Variants in SMARCC2 observed in about 807,000 individuals in gnomAD.
The protein encoded by SMARCC2 is SWI/SNF related BAF chromatin remodeling complex subunit C2.
Under a neutral mutation model 151.3 loss-of-function variants are expected in SMARCC2, and 15 were observed. That is an observed-to-expected ratio of 0.10 (90% CI 0.07 to 0.15). SMARCC2 has a LOEUF of 0.15. Ranked by LOEUF, SMARCC2 falls within the 10% of genes least tolerant of loss-of-function variation. SMARCC2 has a pLI of 1.00. For synonymous variants in SMARCC2, 590 were observed against 609.5 expected, an observed-to-expected ratio of 0.97 and a Z score of 0.47; for missense variants, 1,031 against 1,599.7, an observed-to-expected ratio of 0.64 and a Z score of 6.06.
At chr12:56,177,271 G>T (rs750306428) in intron 15 of SMARCC2, among the ~76,000 whole-genome samples, 1 of 152,058 alleles carries the variant, frequency 6.6e-6, no homozygotes, top group Non-Finnish European at 1.5e-5. Context: ...TAGATACGGG[G>T]TCTTGCCGTG....
At chr12:56,179,556 G>T (rs1875707331) in intron 11 of SMARCC2, among the ~76,000 whole-genome samples, 1 of 152,136 alleles carries the variant, frequency 6.6e-6, no homozygotes, top group Non-Finnish European at 1.5e-5. Context: ...GGAATACCTG[G>T]GGTGAGTCTA....
At chr12:56,169,234 G>A (rs1249296427) in intron 25 of SMARCC2, among the ~76,000 whole-genome samples, 3 of 152,192 alleles carry the variant, frequency 2.0e-5, no homozygotes, top group Non-Finnish European at 4.4e-5. Flanking sequence ...GGTGGAGGCT[G>A]CAGTGAGCCG....
intron 15 of SMARCC2, among the ~76,000 whole-genome samples, chr12:56,175,192 G>A (rs1209845404): frequency 2.0e-5 from 3 of 151,996 alleles, no homozygotes; most frequent in Non-Finnish European, 4.4e-5. Context: ...TGTATTTTTA[G>A]TAGAGACAGG....
chr12:56,174,420 T>A, intron 16 of SMARCC2: 1 of 429,802 alleles, frequency 2.3e-6, no homozygotes, highest in Non-Finnish European at 4.2e-6. Flanking sequence ...CCTGAACCAG[T>A]ATCTTTCAAT....
intron 26 of SMARCC2, 28 bp from the exon 27 acceptor site, chr12:56,165,727 C>A (rs780108193): frequency 5.6e-6 from 9 of 1,601,330 alleles, no homozygotes; most frequent in Non-Finnish European, 7.6e-6. Flanking sequence ...GTATTGTTAT[C>A]CAATTTTCAG....
rs558265761 is a variant in SMARCC2 at position 56,165,685 on chromosome 12, C to T, written c.2865G>A (p.Arg955=). ...DREREALEYQ[R]QQLLADRQAF... is the part of the protein sequence containing the mutation. Reference sequence around the variant, plus strand: ...CTTGTCTGTCGGCCAGGAGCTGCTGCCTCTGATACTCCAGCTGCCAGTGCC... The same window carrying T: ...CTTGTCTGTCGGCCAGGAGCTGCTGTCTCTGATACTCCAGCTGCCAGTGCC... Residue 955 remains arginine (R), a synonymous_variant, in exon 27 of 29, where the codon AGG becomes AGA. Coordinates refer to ENST00000550164, the MANE Select transcript of SMARCC2 (RefSeq NM_001330288.2). 1.2e-5 allele frequency: 20 copies of T among 1,610,540 alleles called. No individual in the cohort carries two copies. The African/African-American group carries it at 1.5e-4, about 12-fold the overall frequency.
intron 3 of SMARCC2, 100 bp from the exon 4 acceptor site, chr12:56,185,211 C>T: frequency 1.1e-6 from 1 of 902,856 alleles, no homozygotes; most frequent in Admixed American, 1.9e-5. Context: ...TGGAGTCTTG[C>T]TCTGTCACCT....
At chr12:56,167,406 T>C (rs1873007390) in intron 26 of SMARCC2, among the ~76,000 whole-genome samples, 1 of 152,198 alleles carries the variant, frequency 6.6e-6, no homozygotes, top group Non-Finnish European at 1.5e-5. Context: ...TCTCACTATG[T>C]TACCCAGGCT....
chr12:56,163,586 A>T lies in SMARCC2; in HGVS notation c.*103T>A, dbSNP rs1872186573. On this transcript the variant is annotated 3_prime_UTR_variant, in exon 29 of 29. Transcript: ENST00000550164. ...CGGAAGGAGCTTTCCTTACGTAGTG[A>T]TGAACTCTCCAGGCTGGGGAGGGTC... 1.7e-6 allele frequency: 1 copy of T among 600,972 alleles called. No homozygotes were observed. The allele number at this position is 600,972 out of a possible 1,614,324, so 37.2% of individuals were successfully genotyped here.
intron 1 of SMARCC2, among the ~76,000 whole-genome samples, chr12:56,188,409 G>A (rs895496940): frequency 7.2e-5 from 11 of 152,206 alleles, no homozygotes; most frequent in Non-Finnish European, 1.6e-4. Flanking sequence ...TGCAAAGCCG[G>A]CAGGAAGAAC....
In SMARCC2 at chr12:56,168,381, CTTTTTTT is replaced by C. The variant is rs545900697; in HGVS notation, c.2716-194_2716-188del. Among the ~76,000 whole-genome samples, 277 of 142,642 alleles carry C rather than the reference CTTTTTTT, an allele frequency of 1.9e-3. 2 individuals carry two copies. Among genetic ancestry groups the C allele is most frequent in the African/African-American group, 6.1e-3 (238 of 39,250 alleles). 93.6% of individuals were successfully genotyped at this position (142,642 alleles called of 152,430 possible). A position where few individuals can be genotyped will look rare whatever the true frequency, so the allele number is the denominator to read the frequency against. ...AGCCACCGTGTCTTTTTTCTTTTTT[CTTTTTTT>C]TTTTTTGGGACAGTCTCACTCTGTT... On this transcript the variant is annotated intron_variant, in intron 25 of 28. Coordinates refer to ENST00000550164, the MANE Select transcript of SMARCC2 (RefSeq NM_001330288.2).
chr12:56,182,337 G>A (rs59707524), intron 7 of SMARCC2, among the ~76,000 whole-genome samples: 2 of 128,632 alleles, frequency 1.6e-5, no homozygotes, highest in African/African-American at 5.8e-5. Context: ...TTTTTTTTTT[G>A]ATACAGAGTC....
intron 26 of SMARCC2, among the ~76,000 whole-genome samples, chr12:56,167,081 G>A (rs114952238): frequency 1.2e-4 from 17 of 141,194 alleles, no homozygotes; most frequent in African/African-American, 2.7e-4. Flanking sequence ...AAAAAAAAGC[G>A]TGATGACTCA....
intron 14 of SMARCC2, 116 bp downstream of exon 14, chr12:56,178,287 TG>T: frequency 1.6e-6 from 2 of 1,217,208 alleles, no homozygotes; most frequent in Non-Finnish European, 2.4e-6. Context: ...AAGTGTACTC[TG>T]GTCTATTTGG....
intron 25 of SMARCC2, among the ~76,000 whole-genome samples, chr12:56,168,403 C>G (rs1037529452): frequency 6.7e-6 from 1 of 149,676 alleles, no homozygotes; most frequent in Non-Finnish European, 1.5e-5. Context: ...TTGGGACAGT[C>G]TCACTCTGTT....
rs1350644845 is a variant in SMARCC2 at position 56,169,901 on chromosome 12, T to C, written c.2423A>G (p.Glu808Gly). Residue 808 changes from glutamate (E) to glycine (G), a missense_variant, in exon 24 of 29, where the codon GAA (glutamate) becomes GGA (glycine). Coordinates refer to ENST00000550164, the MANE Select transcript of SMARCC2 (RefSeq NM_001330288.2). ...DEKKEPKEPREGGGAIEEEAK... is the reference protein window; with the variant it reads ...DEKKEPKEPRGGGGAIEEEAK... ...TTCCTCCTCTATAGCACCCCCTCCT[T>C]CTCGGGGTTCCTGAAATTCCAGTGA... 1.2e-6 allele frequency: 2 copies of C among 1,613,552 alleles called. No homozygotes were observed. Among genetic ancestry groups the C allele is most frequent in the African/African-American group, 1.3e-5 (1 of 74,852 alleles).
In SMARCC2 at chr12:56,169,771, C is replaced by G. The variant is rs763034282; in HGVS notation, c.2548+5G>C. ...CACCCCCACCTACCCTTGTGGGAGG[C>G]TCACCTATTGGGTCTCCATCACTCT... On this transcript the variant is annotated splice_donor_5th_base_variant and intron_variant, in intron 24 of 28. Coordinates refer to ENST00000550164, the MANE Select transcript of SMARCC2 (RefSeq NM_001330288.2). 37 of 1,614,010 alleles carry G rather than the reference C, an allele frequency of 2.3e-5. No individual in the cohort carries two copies. The highest frequency in any genetic ancestry group is 3.0e-5 in the Non-Finnish European group (35 of 1,180,014).
At chr12:56,181,193 A>T in intron 10 of SMARCC2, 92 bp from the exon 11 acceptor site, 1 of 1,322,160 alleles carries the variant, frequency 7.6e-7, no homozygotes, top group East Asian at 2.3e-5. Flanking sequence ...GTGACAGAGA[A>T]TTCCAAGGGT....
At chr12:56,175,098 G>A (rs927271720) in intron 15 of SMARCC2, among the ~76,000 whole-genome samples, 3 of 152,008 alleles carry the variant, frequency 2.0e-5, no homozygotes, top group Non-Finnish European at 2.9e-5. Context: ...GGCAACTTCC[G>A]CCTCCTGGGT....
Sources: gnomAD v4.1 joint callset for allele counts (sites outside exome capture counted in the v4.1 genomes callset) on GRCh38, gnomAD v4.1.1 for gene constraint, MANE v1.5 for transcripts, NCBI Gene and HGNC (gene_info 2026-07-23, HGNC 2026-07-21) for gene names.